ASAP1: variants seen among roughly 807,000 people sequenced by gnomAD.
ASAP1 encodes the protein ArfGAP with SH3 domain, ankyrin repeat and PH domain 1, also known as arf-GAP with SH3 domain, ANK repeat and PH domain-containing protein 1.
In ASAP1, 43 loss-of-function variants were observed where a neutral mutation model predicts 145.2. That is an observed-to-expected ratio of 0.30 (90% CI 0.23 to 0.38). The LOEUF is 0.38. Among genes scored for constraint, ASAP1 ranks in the 10% least tolerant of loss-of-function variants. The pLI is 1.00. For synonymous variants in ASAP1, 546 were observed against 515.5 expected, an observed-to-expected ratio of 1.06 and a Z score of -0.80; for missense variants, 1,018 against 1,355.3, an observed-to-expected ratio of 0.75 and a Z score of 3.91.
At chr8:130,137,904 G>T (rs1342929199) in intron 13 of ASAP1, among the ~76,000 whole-genome samples, 1 of 152,210 alleles carries the variant, frequency 6.6e-6, no homozygotes, top group Non-Finnish European at 1.5e-5. Context: ...CCTTCCTGCA[G>T]AAGCTGACCA....
At chr8:130,194,306 G>A (rs1815335256) in intron 5 of ASAP1, among the ~76,000 whole-genome samples, 1 of 151,718 alleles carries the variant, frequency 6.6e-6, no homozygotes. Flanking sequence ...CATTATAAAG[G>A]CACAAAGAAA....
At chr8:130,138,240 CT>C (rs1206366921) in intron 13 of ASAP1, among the ~76,000 whole-genome samples, 8 of 152,190 alleles carry the variant, frequency 5.3e-5, no homozygotes, top group Non-Finnish European at 1.2e-4. Flanking sequence ...CCTGTGCTCT[CT>C]GGACCATTTT....
chr8:130,361,855 T>C (rs1476470748), intron 2 of ASAP1: 1 of 961,394 alleles, frequency 1.0e-6, no homozygotes, highest in Admixed American at 2.0e-5. Context: ...TACACCATCC[T>C]CCCCAAAGCC....
chr8:130,161,194 CTTTT>C (rs561768951), intron 11 of ASAP1, among the ~76,000 whole-genome samples: 1 of 146,892 alleles, frequency 6.8e-6, no homozygotes, highest in Non-Finnish European at 1.5e-5. Flanking sequence ...TGTAGCAGGA[CTTTT>C]TTTTTTTATT....
At chr8:130,243,253 T>G (rs1190799467) in intron 3 of ASAP1, among the ~76,000 whole-genome samples, 2 of 152,148 alleles carry the variant, frequency 1.3e-5, no homozygotes, top group African/African-American at 2.4e-5. Context: ...GGGCTTGCTT[T>G]ATCCATACTT....
chr8:130,341,775 G>C (rs1302866466), intron 3 of ASAP1, among the ~76,000 whole-genome samples: 1 of 152,136 alleles, frequency 6.6e-6, no homozygotes, highest in East Asian at 1.9e-4. Context: ...AGGCTTTAGG[G>C]AAGTCCTGGC....
chr8:130,287,865 G>A (rs1320803217), intron 3 of ASAP1, among the ~76,000 whole-genome samples: 1 of 152,140 alleles, frequency 6.6e-6, no homozygotes, highest in African/African-American at 2.4e-5. Flanking sequence ...ATATAGCAGA[G>A]ACCCTGGGAA....
At chr8:130,381,182 A>G (rs1191387339) in intron 2 of ASAP1, among the ~76,000 whole-genome samples, 1 of 152,072 alleles carries the variant, frequency 6.6e-6, no homozygotes, top group African/African-American at 2.4e-5. Context: ...CACTGCGCTC[A>G]GCCCCAGCTA....
Position 130,403,301 on chromosome 8 carries a change from T to TTTTTTA in ASAP1, c.-27-1332_-27-1331insTAAAAA, listed in dbSNP as rs60441663. 2.5e-3 allele frequency among the ~76,000 whole-genome samples: 375 copies of TTTTTTA among 151,090 alleles called. 2 individuals are homozygous for TTTTTTA. Among genetic ancestry groups the TTTTTTA allele is most frequent in the African/African-American group, 8.3e-3 (343 of 41,082 alleles). On this transcript the variant is annotated intron_variant, in intron 1 of 29. Transcript: ENST00000518721. ...GGTGTCTTTAACAAGTGTTTTTTTTTAAAAAACCCAGATCCAAATAAGACT... is the reference window on the plus strand; with the variant it reads ...GGTGTCTTTAACAAGTGTTTTTTTTTTTTTTAAAAAAACCCAGATCCAAATAAGACT...
rs1207126603 is a variant in ASAP1, at chr8:130,391,531, C to T, written c.59+10354G>A. On this transcript the variant is annotated intron_variant, in intron 2 of 29. Transcript: ENST00000518721. The stretch of plus-strand genomic sequence containing the variant: ...TACCAACCAGAGAAAATATATCAGT[C>T]CTCATGGCTTTGAGAAAATAGCTTT... Among the ~76,000 whole-genome samples, 4 of 152,300 alleles carry T rather than the reference C, an allele frequency of 2.6e-5. No homozygotes were observed. The East Asian group carries it at 7.7e-4, about 29-fold the overall frequency.
intron 15 of ASAP1, among the ~76,000 whole-genome samples, chr8:130,133,688 CAAAA>C (rs138495590): frequency 1.7e-4 from 24 of 137,768 alleles, no homozygotes; most frequent in Non-Finnish European, 2.7e-4. Context: ...AACAAACAAA[CAAAA>C]AAAAAAACAA....
At chr8:130,390,394 G>A (rs1828222736) in intron 2 of ASAP1, among the ~76,000 whole-genome samples, 1 of 152,142 alleles carries the variant, frequency 6.6e-6, no homozygotes, top group Non-Finnish European at 1.5e-5. Context: ...ATCTCAGACT[G>A]CCTGAATGAT....
chr8:130,085,874 G>T (rs192795592), intron 25 of ASAP1, among the ~76,000 whole-genome samples: 90 of 152,226 alleles, frequency 5.9e-4, no homozygotes, highest in South Asian at 2.1e-4. Context: ...TCCTGAGACA[G>T]ATGGCTGGAT....
At chr8:130,274,541 T>C (rs553852913) in intron 3 of ASAP1, among the ~76,000 whole-genome samples, 1 of 152,350 alleles carries the variant, frequency 6.6e-6, no homozygotes, top group South Asian at 2.1e-4. Flanking sequence ...AAGGGGATAC[T>C]TAACCCCGCC....
At chr8:130,312,082 C>T (rs900873696) in intron 3 of ASAP1, among the ~76,000 whole-genome samples, 1 of 151,834 alleles carries the variant, frequency 6.6e-6, no homozygotes, top group African/African-American at 2.4e-5. Flanking sequence ...TCAAAACCAG[C>T]CTGGATAACA....
At chr8:130,385,090 TCTA>T (rs1220390487) in intron 2 of ASAP1, among the ~76,000 whole-genome samples, 5 of 152,130 alleles carry the variant, frequency 3.3e-5, no homozygotes, top group African/African-American at 1.2e-4. Context: ...ATCACCTCCT[TCTA>T]CTACACAGAC....
rs544881832 is a variant in ASAP1 at position 130,290,897 on chromosome 8, G to C, written c.187-53903C>G. Reference sequence around the variant, plus strand: ...ACTGAGATGTGGCTTGGGTTAAAGGGAGTAAGGATTTTAAGGGTTCATGCA... The same window carrying C: ...ACTGAGATGTGGCTTGGGTTAAAGGCAGTAAGGATTTTAAGGGTTCATGCA... On this transcript the variant is annotated intron_variant, in intron 3 of 29. Transcript: ENST00000518721. 3.9e-5 allele frequency among the ~76,000 whole-genome samples: 6 copies of C among 152,292 alleles called. 1 individual carries two copies. The South Asian group carries it at 1.2e-3, about 32-fold the overall frequency.
chr8:130,308,798 T>A (rs185334735), intron 3 of ASAP1, among the ~76,000 whole-genome samples: 146 of 152,206 alleles, frequency 9.6e-4, no homozygotes, highest in African/African-American at 3.3e-3. Context: ...TCCCACCACT[T>A]TGGGAGGCCG....
intron 3 of ASAP1, among the ~76,000 whole-genome samples, chr8:130,315,802 C>G (rs1322964777): frequency 6.6e-6 from 1 of 152,228 alleles, no homozygotes; most frequent in Non-Finnish European, 1.5e-5. Context: ...AGCACCCAAA[C>G]CAATTCACAA....
Sources: allele counts gnomAD v4.1 joint callset (sites outside exome capture counted in the v4.1 genomes callset), GRCh38; gene constraint gnomAD v4.1.1; transcripts MANE v1.5; gene names NCBI Gene and HGNC (gene_info 2026-07-23, HGNC 2026-07-21).